NR3C2: variants seen among roughly 807,000 people sequenced by gnomAD.
NR3C2 encodes mineralocorticoid receptor.
Under a neutral mutation model 86.4 loss-of-function variants are expected in NR3C2, and 15 were observed. That is an observed-to-expected ratio of 0.17 (90% CI 0.12 to 0.27). The LOEUF (loss-of-function observed/expected upper bound fraction) is 0.27. Ranked by LOEUF, NR3C2 falls within the 10% of genes least tolerant of loss-of-function variation. The pLI is 1.00. For missense variants in NR3C2, 960 were observed against 1,195.6 expected (o/e 0.80, Z 2.91); for synonymous variants, 458 against 450.5 (o/e 1.02, Z -0.21).
At chr4:148,082,670 T>G (rs546269421) in intron 8 of NR3C2, among the ~76,000 whole-genome samples, 15 of 150,372 alleles carry the variant, frequency 1.0e-4, no homozygotes, top group African/African-American at 3.2e-4. Context: ...CTGCAGTTTT[T>G]TTTTTTTTTT....
chr4:148,425,728 A>G (rs1749497519), intron 2 of NR3C2, among the ~76,000 whole-genome samples: 1 of 152,202 alleles, frequency 6.6e-6, no homozygotes, highest in Admixed American at 6.5e-5. Context: ...TATCAGCCAC[A>G]TAATCTGATT....
At chr4:148,209,217 C>A (rs1737159586) in intron 3 of NR3C2, among the ~76,000 whole-genome samples, 1 of 149,220 alleles carries the variant, frequency 6.7e-6, no homozygotes, top group Admixed American at 6.6e-5. Context: ...GCACTCCAGC[C>A]TGGGCAACAG....
At chr4:148,144,338 G>C (rs1733763039) in intron 6 of NR3C2, among the ~76,000 whole-genome samples, 1 of 152,060 alleles carries the variant, frequency 6.6e-6, no homozygotes, top group African/African-American at 2.4e-5. Flanking sequence ...CCAAGTAGCT[G>C]GGACCACAGG....
At chr4:148,205,934 T>A (rs1204917291) in intron 3 of NR3C2, among the ~76,000 whole-genome samples, 3 of 152,082 alleles carry the variant, frequency 2.0e-5, no homozygotes, top group Non-Finnish European at 4.4e-5. Flanking sequence ...GTTTTGTGGC[T>A]GGTGCACAGT....
chr4:148,438,294 A>T (rs1750172551), intron 1 of NR3C2, among the ~76,000 whole-genome samples: 1 of 152,210 alleles, frequency 6.6e-6, no homozygotes, highest in Admixed American at 6.5e-5. Context: ...AAATGTCTCC[A>T]GACATTACCA....
At position 148,079,548 on chromosome 4, in the gene NR3C2, T is replaced by A. The variant is rs1048089656; in HGVS notation, c.*1796A>T. 1 of 152,670 alleles carries A rather than the reference T, an allele frequency of 6.6e-6. No homozygotes were observed. The highest frequency in any genetic ancestry group is 2.1e-4 in the South Asian group (1 of 4,832). The allele number at this position is 152,670 out of a possible 1,614,324, so 9.5% of individuals were successfully genotyped here. On this transcript the variant is annotated 3_prime_UTR_variant, in exon 9 of 9. Transcript: ENST00000358102. ...TAAACCTGATGATTATCATCATTTT[T>A]AAAAGATTAATTTGGCCTCTATTCA...
intron 2 of NR3C2, among the ~76,000 whole-genome samples, chr4:148,327,292 T>C (rs1344035418): frequency 6.6e-6 from 1 of 152,160 alleles, no homozygotes; most frequent in Non-Finnish European, 1.5e-5. Flanking sequence ...CAGAAAGAAA[T>C]ATTTCAATTT....
intron 4 of NR3C2, among the ~76,000 whole-genome samples, chr4:148,165,910 A>G (rs1734856980): frequency 6.6e-6 from 1 of 152,252 alleles, no homozygotes; most frequent in Non-Finnish European, 1.5e-5. Context: ...ATAAAAAAGG[A>G]AAAGCATAGT....
chr4:148,273,526 T>A (rs1412909603), intron 2 of NR3C2, among the ~76,000 whole-genome samples: 3 of 152,178 alleles, frequency 2.0e-5, no homozygotes, highest in Non-Finnish European at 2.9e-5. Context: ...TGTTGGGTTT[T>A]TTTTCTTAAT....
At chr4:148,160,577 T>C (rs1033661678) in intron 4 of NR3C2, among the ~76,000 whole-genome samples, 2 of 152,128 alleles carry the variant, frequency 1.3e-5, no homozygotes, top group Non-Finnish European at 2.9e-5. Flanking sequence ...GAATATGGAA[T>C]CTTGTTCAAT....
At chr4:148,225,077 T>C (rs1011547757) in intron 3 of NR3C2, among the ~76,000 whole-genome samples, 1 of 152,298 alleles carries the variant, frequency 6.6e-6, no homozygotes. Flanking sequence ...AAATCTTCCC[T>C]GGACAAACTA....
chr4:148,157,264 C>T (rs1201580977), intron 4 of NR3C2, among the ~76,000 whole-genome samples: 1 of 151,676 alleles, frequency 6.6e-6, no homozygotes, highest in Non-Finnish European at 1.5e-5. Flanking sequence ...ATGTAACTAA[C>T]CTGCACATTG....
intron 2 of NR3C2, among the ~76,000 whole-genome samples, chr4:148,352,631 A>T (rs1178725434): frequency 3.9e-5 from 6 of 152,156 alleles, no homozygotes; most frequent in Non-Finnish European, 8.8e-5. Flanking sequence ...ATCTCTATTT[A>T]TCTTATTCCT....
At chr4:148,092,209 G>A (rs1249199978) in intron 8 of NR3C2, among the ~76,000 whole-genome samples, 1 of 152,220 alleles carries the variant, frequency 6.6e-6, no homozygotes, top group East Asian at 1.9e-4. Context: ...GCCTGAAGGA[G>A]TTCTTTCTGG....
chr4:148,431,910 T>C (rs946434532), intron 2 of NR3C2, among the ~76,000 whole-genome samples: 1 of 152,190 alleles, frequency 6.6e-6, no homozygotes, highest in Non-Finnish European at 1.5e-5. Flanking sequence ...TTAAAAAGTA[T>C]GAAGGATCCC....
chr4:148,081,514 CA>C lies in NR3C2; in HGVS notation c.2800-16del. 6.2e-7 allele frequency: 1 copy of C among 1,613,920 alleles called. No homozygotes were observed. Among genetic ancestry groups the C allele is most frequent in the Non-Finnish European group, 8.5e-7 (1 of 1,179,870 alleles). ...TCGCTCACCAGCTGTAACACAGACA[CA>C]GGGGGCATGACACGGGGGCCTCCTT... is the stretch of plus-strand genomic sequence containing the variant. On this transcript the variant is annotated splice_polypyrimidine_tract_variant and intron_variant, in intron 8 of 8. Transcript: ENST00000358102.
chr4:148,356,641 C>T (rs78152382), intron 2 of NR3C2, among the ~76,000 whole-genome samples: 2,701 of 152,246 alleles, frequency 0.018, 74 homozygotes, highest in African/African-American at 0.061. Flanking sequence ...AAAAAGACAG[C>T]TTCTTAAAGT....
intron 2 of NR3C2, among the ~76,000 whole-genome samples, chr4:148,307,170 C>A (rs1211522295): frequency 6.6e-6 from 1 of 150,602 alleles, no homozygotes; most frequent in Non-Finnish European, 1.5e-5. Context: ...GTTAAAAATG[C>A]AAAAAAAAAA....
chr4:148,394,605 T>A (rs1226359526), intron 2 of NR3C2, among the ~76,000 whole-genome samples: 1 of 151,698 alleles, frequency 6.6e-6, no homozygotes, highest in Non-Finnish European at 1.5e-5. Flanking sequence ...GGTGGGAGGA[T>A]CACTTGAGCC....
Sources: gnomAD v4.1 joint callset for allele counts (sites outside exome capture counted in the v4.1 genomes callset) on GRCh38, gnomAD v4.1.1 for gene constraint, MANE v1.5 for transcripts, NCBI Gene and HGNC (gene_info 2026-07-23, HGNC 2026-07-21) for gene names.